The following SP140 variants were observed in gnomAD, a reference collection of about 807,000 sequenced individuals.
SP140 encodes SP140 nuclear body protein.
Under a neutral mutation model 125.0 loss-of-function variants are expected in SP140, and 81 were observed. The ratio of observed to expected loss-of-function variants is 0.65; its 90% CI spans 0.54 to 0.78. The LOEUF (loss-of-function observed/expected upper bound fraction) is 0.78, where lower values mean the gene tolerates loss of function less well. Among genes scored for constraint, SP140 ranks in the 30% least tolerant of loss-of-function variants. The probability of loss-of-function intolerance (pLI) is 0.00; values close to 1 mark genes in which losing one functional copy is unlikely to be tolerated. For missense variants in SP140, 858 were observed against 1,037.0 expected (o/e 0.83, Z 2.37); for synonymous variants, 312 against 354.0 (o/e 0.88, Z 1.33).
At chr2:230,194,448 A>G in the SP140 span, among the ~76,000 whole-genome samples, 25 of 149,582 alleles carry the variant, frequency 1.7e-4, no homozygotes, top group Non-Finnish European at 3.4e-4. Flanking sequence ...AAAAATTTAC[A>G]AAATAAATTA....
At chr2:230,238,914 C>T (rs779648853) in intron 3 of SP140, 46 of 1,549,330 alleles carry the variant, frequency 3.0e-5, no homozygotes, top group South Asian at 4.8e-5. Context: ...GGGGCCTTTC[C>T]GAACCATGTG....
chr2:230,246,958 A>G (rs958355529), intron 7 of SP140, among the ~76,000 whole-genome samples: 6 of 152,122 alleles, frequency 3.9e-5, no homozygotes, highest in Non-Finnish European at 7.4e-5. Context: ...ACAATATGGG[A>G]CATTGTAGGG....
At position 230,237,322 on chromosome 2, in the gene SP140, G is replaced by A; in HGVS notation, c.237+62G>A. ...CATACTCAATTATGCCAAACTTCAA[G>A]ATGCAATGAGCAGGCTAAAGGGCCT... is the stretch of plus-strand genomic sequence containing the variant. On this transcript the variant is annotated intron_variant, in intron 2 of 26. Transcript: ENST00000392045. The surrounding 1 kb of genome is among the most constrained non-coding windows in gnomAD (Gnocchi z 5.4). 1 of 1,496,996 alleles carries A rather than the reference G, an allele frequency of 6.7e-7. No individual in the cohort carries two copies. Among genetic ancestry groups the A allele is most frequent in the Non-Finnish European group, 9.2e-7 (1 of 1,088,390 alleles). The allele number at this position is 1,496,996 out of a possible 1,614,324, so 92.7% of individuals were successfully genotyped here.
intron 15 of SP140, among the ~76,000 whole-genome samples, chr2:230,274,421 G>A (rs1020087501): frequency 2.6e-5 from 4 of 152,160 alleles, no homozygotes; most frequent in African/African-American, 9.7e-5. Context: ...TGGAAGAATG[G>A]TCAGAGAGAA....
Position 230,237,498 on chromosome 2 carries a change from G to C in SP140, c.237+238G>C. 5 of 447,730 alleles carry C rather than the reference G, an allele frequency of 1.1e-5. 1 individual carries two copies. The South Asian group carries it at 1.7e-4, about 15-fold the overall frequency. 27.7% of individuals were successfully genotyped at this position (447,730 alleles called of 1,614,324 possible). ...GAGAGAGAATGGGAATGCTGTATGG[G>C]TGCAGATCATCCTAGGTACTTGTAA... On this transcript the variant is annotated intron_variant, in intron 2 of 26. Transcript: ENST00000392045. This position sits in a 1 kb window ranked among gnomAD's most constrained non-coding sequence, Gnocchi z 5.4.
At chr2:230,295,064 G>A (rs948664197) in intron 21 of SP140, among the ~76,000 whole-genome samples, 11 of 152,218 alleles carry the variant, frequency 7.2e-5, no homozygotes, top group Non-Finnish European at 1.0e-4. Flanking sequence ...ATCTGTGAAA[G>A]TGATTTTTCC....
At chr2:230,261,078 A>G (rs2052158092) in intron 12 of SP140, among the ~76,000 whole-genome samples, 1 of 152,026 alleles carries the variant, frequency 6.6e-6, no homozygotes, top group Non-Finnish European at 1.5e-5. Flanking sequence ...GAAGCATGGG[A>G]TGTATTTTCA....
intron 1 of SP140, chr2:230,203,689 G>A (rs2043434444): frequency 6.6e-6 from 1 of 152,130 alleles, no homozygotes; most frequent in South Asian, 2.1e-4. Flanking sequence ...AAATATGAGA[G>A]TGTGGTATGT....
At position 230,307,286 on chromosome 2, in the gene SP140, G is replaced by A. The variant is rs11900124; in HGVS notation, c.2059-2638G>A. 7.9e-3 allele frequency among the ~76,000 whole-genome samples: 1,197 copies of A among 152,320 alleles called. 16 individuals carry two copies. Among genetic ancestry groups the A allele is most frequent in the African/African-American group, 0.026 (1,089 of 41,580 alleles). ...TCTTGCTCACCCTCCATTTGTCAGC[G>A]TCCCTCATTCTTCCTGGTTGCAGGA... On this transcript the variant is annotated intron_variant, in intron 22 of 26. Transcript: ENST00000392045.
upstream of SP140, chr2:230,200,868 C>T (rs201182994): frequency 1.9e-6 from 3 of 1,572,874 alleles, no homozygotes; most frequent in African/African-American, 4.0e-5. Context: ...CTGAGACCAG[C>T]AATCTCCAAG....
At chr2:230,291,545 A>G (rs2057114880) in intron 19 of SP140, among the ~76,000 whole-genome samples, 1 of 152,210 alleles carries the variant, frequency 6.6e-6, no homozygotes, top group South Asian at 2.1e-4. Flanking sequence ...GACTGCCTTC[A>G]TTCACTAATT....
intron 1 of SP140, among the ~76,000 whole-genome samples, chr2:230,230,223 G>T (rs887486074): frequency 6.6e-6 from 1 of 152,150 alleles, no homozygotes; most frequent in African/African-American, 2.4e-5. Flanking sequence ...AGTGCTGATT[G>T]CTTAGGTTGG....
intron 12 of SP140, among the ~76,000 whole-genome samples, chr2:230,256,263 G>A (rs1216915440): frequency 1.3e-5 from 2 of 151,844 alleles, no homozygotes; most frequent in East Asian, 3.9e-4. Flanking sequence ...GCAAAGACTT[G>A]GAACCAACCC....
intron 21 of SP140, 141 bp from the exon 22 acceptor site, chr2:230,297,280 C>G (rs750757741): frequency 3.9e-5 from 37 of 944,896 alleles, no homozygotes; most frequent in Middle Eastern, 2.5e-4. Context: ...CCACCCCAGC[C>G]TACTGGCCTT....
chr2:230,197,178 A>T, the SP140 span, among the ~76,000 whole-genome samples: 2 of 151,778 alleles, frequency 1.3e-5, no homozygotes, highest in South Asian at 2.1e-4. Flanking sequence ...AAGTGTTCCT[A>T]TTTCTCCACA....
intron 1 of SP140, among the ~76,000 whole-genome samples, chr2:230,226,795 A>G (rs1214924417): frequency 1.3e-5 from 2 of 151,584 alleles, no homozygotes; most frequent in African/African-American, 4.8e-5. Context: ...AAGTACATCA[A>G]TACGGTCATT....
intron 1 of SP140, among the ~76,000 whole-genome samples, chr2:230,210,911 G>A (rs2044395373): frequency 6.6e-6 from 1 of 152,204 alleles, no homozygotes; most frequent in African/African-American, 2.4e-5. Flanking sequence ...GGTTGAAAGT[G>A]AAAATTCCCC....
Position 230,269,877 on chromosome 2 carries a change from T to C in SP140, c.1368T>C (p.Cys456=), listed in dbSNP as rs2053657827. The C allele has an allele frequency of 1.2e-6, 2 of 1,613,888 alleles. No individual in the cohort carries two copies. The highest frequency in any genetic ancestry group is 1.7e-5 in the Admixed American group (1 of 59,980). Residue 456 remains cysteine, a synonymous_variant, in exon 14 of 27, where the codon TGT becomes TGC. Coordinates refer to ENST00000392045, the MANE Select transcript of SP140 (RefSeq NM_007237.5). ...CATATGAAAATGAGAAGTGTTCCTGTGTCATGTGTTTCTCAGAAGAGGTGC... is the reference window on the plus strand; with the variant it reads ...CATATGAAAATGAGAAGTGTTCCTGCGTCATGTGTTTCTCAGAAGAGGTGC... ...QSAYENEKCS[C]VMCFSEEVPG...
chr2:230,224,425 AAGAGGGAGGG>A (rs1427269814), upstream of SP140, among the ~76,000 whole-genome samples: 6 of 117,372 alleles, frequency 5.1e-5, no homozygotes, highest in South Asian at 3.0e-4. Context: ...TCTTGTTTTA[AAGAGGGAGGG>A]AGAGGGAGGG....
Sources: gnomAD v4.1 joint callset for allele counts (sites outside exome capture counted in the v4.1 genomes callset) on GRCh38, gnomAD v4.1.1 for gene constraint, Gnocchi (gnomAD v3.1) non-coding constraint, MANE v1.5 for transcripts, NCBI Gene and HGNC (gene_info 2026-07-23, HGNC 2026-07-21) for gene names.